The following VAC14 variants were observed in gnomAD, a reference collection of about 807,000 sequenced individuals.
The protein encoded by VAC14 is protein VAC14 homolog.
In VAC14, 47 loss-of-function variants were observed where a neutral mutation model predicts 85.3. That is an observed-to-expected ratio of 0.55 (90% CI 0.44 to 0.70). The LOEUF is 0.70. VAC14 is among the 30% of genes least tolerant of loss of function. The pLI is 0.00. For synonymous variants in VAC14, 447 were observed against 430.5 expected, an observed-to-expected ratio of 1.04 and a Z score of -0.47; for missense variants, 861 against 1,004.3, an observed-to-expected ratio of 0.86 and a Z score of 1.93.
intron 1 of VAC14, among the ~76,000 whole-genome samples, chr16:70,795,125 T>C (rs965947296): frequency 6.6e-6 from 1 of 152,158 alleles, no homozygotes; most frequent in African/African-American, 2.4e-5. Context: ...TGAGTAACTC[T>C]ATGTTGTTCA....
intron 1 of VAC14, among the ~76,000 whole-genome samples, chr16:70,792,965 C>T (rs713511): frequency 4.6e-5 from 7 of 152,060 alleles, no homozygotes; most frequent in Admixed American, 1.3e-4. Flanking sequence ...CCCTTTCCTA[C>T]GGTCACCAAA....
At chr16:70,700,736 T>G (rs2053809156) in intron 14 of VAC14, among the ~76,000 whole-genome samples, 1 of 152,188 alleles carries the variant, frequency 6.6e-6, no homozygotes, top group Non-Finnish European at 1.5e-5. Context: ...CCATGAGCCC[T>G]GTCTCCATGG....
chr16:70,753,346 G>C (rs1398451209), intron 12 of VAC14, among the ~76,000 whole-genome samples: 1 of 152,228 alleles, frequency 6.6e-6, no homozygotes, highest in Non-Finnish European at 1.5e-5. Context: ...GCTCCTGCCA[G>C]TCTGTGGGCC....
intron 1 of VAC14, among the ~76,000 whole-genome samples, chr16:70,789,674 T>C (rs1394727649): frequency 6.6e-6 from 1 of 152,218 alleles, no homozygotes; most frequent in Non-Finnish European, 1.5e-5. Context: ...GAATGACTTG[T>C]TTCTAGTTGG....
chr16:70,719,802 C>T (rs902913713), intron 14 of VAC14, among the ~76,000 whole-genome samples: 13 of 152,172 alleles, frequency 8.5e-5, no homozygotes, highest in African/African-American at 3.1e-4. Flanking sequence ...GCACTTTGGA[C>T]AGTACCTCCC....
intron 1 of VAC14, among the ~76,000 whole-genome samples, chr16:70,799,714 T>G (rs1160262386): frequency 6.6e-6 from 1 of 152,172 alleles, no homozygotes; most frequent in African/African-American, 2.4e-5. Context: ...GTGCAGAGGC[T>G]GAGAAACCCT....
In VAC14 at chr16:70,786,227, G is replaced by A. The variant is rs1195370548; in HGVS notation, c.243C>T (p.Ile81=). The A allele has an allele frequency of 1.2e-5, 19 of 1,614,180 alleles. No homozygotes were observed. Among genetic ancestry groups the A allele is most frequent in the East Asian group, 4.5e-5 (2 of 44,884 alleles). ...GGLIGLAACS[I]ALGKDSGLYL... ...GTGAAAGGCCCACCTTGCCCAGTGC[G>A]ATGGAGCAGGCGGCCAGGCCGATGA... Residue 81 remains isoleucine (I), a synonymous_variant, in exon 2 of 19, where the codon ATC becomes ATT. Coordinates refer to ENST00000261776, the MANE Select transcript of VAC14 (RefSeq NM_018052.5).
intron 8 of VAC14, 94 bp from the exon 9 acceptor site, chr16:70,781,033 C>T: frequency 2.6e-6 from 4 of 1,551,102 alleles, no homozygotes; most frequent in Non-Finnish European, 3.5e-6. Flanking sequence ...GGAGGTGGGG[C>T]CTGGTGGGAG....
chr16:70,739,199 C>T (rs1433901438), intron 13 of VAC14, among the ~76,000 whole-genome samples: 2 of 152,194 alleles, frequency 1.3e-5, no homozygotes, highest in East Asian at 1.9e-4. Flanking sequence ...GACCCTTGTC[C>T]GAGGTCACGG....
intron 12 of VAC14, chr16:70,761,224 A>C (rs1253524181): frequency 6.6e-6 from 3 of 455,294 alleles, no homozygotes; most frequent in Non-Finnish European, 1.3e-5. Flanking sequence ...GCACCAGCCC[A>C]GGGAAGACTG....
intron 12 of VAC14, among the ~76,000 whole-genome samples, chr16:70,759,297 C>T (rs1444258376): frequency 6.6e-6 from 1 of 152,146 alleles, no homozygotes. Context: ...GAAAAGTGGA[C>T]GAAGGATCTG....
intron 14 of VAC14, among the ~76,000 whole-genome samples, chr16:70,717,766 C>A (rs1436467834): frequency 6.6e-6 from 1 of 152,202 alleles, no homozygotes; most frequent in Non-Finnish European, 1.5e-5. Flanking sequence ...CTCGCCTCAG[C>A]CTCCTGAGTA....
chr16:70,798,841 C>T (rs759442923), intron 1 of VAC14, among the ~76,000 whole-genome samples: 6 of 152,156 alleles, frequency 3.9e-5, no homozygotes, highest in Non-Finnish European at 7.3e-5. Context: ...CGAAAATGTA[C>T]GGTCATTCAT....
intron 12 of VAC14, among the ~76,000 whole-genome samples, chr16:70,748,634 AG>A (rs2031115399): frequency 6.6e-6 from 1 of 152,206 alleles, no homozygotes; most frequent in South Asian, 2.1e-4. Context: ...AGTGGTAGGC[AG>A]GGCCAGATCT....
At chr16:70,761,260 T>C (rs1244137321) in intron 12 of VAC14, 1 of 448,380 alleles carries the variant, frequency 2.2e-6, no homozygotes, top group Non-Finnish European at 4.5e-6. Flanking sequence ...TGGGGACTGG[T>C]GAGCAATAGC....
chr16:70,759,538 G>C (rs2032145689), intron 12 of VAC14, among the ~76,000 whole-genome samples: 1 of 152,206 alleles, frequency 6.6e-6, no homozygotes, highest in South Asian at 2.1e-4. Context: ...TGAGGCAGGA[G>C]GACTGCTTGA....
chr16:70,727,436 T>A (rs1178475154), intron 14 of VAC14, among the ~76,000 whole-genome samples: 1 of 152,080 alleles, frequency 6.6e-6, no homozygotes, highest in Admixed American at 6.6e-5. Context: ...GCCTCCTGGG[T>A]TCAAGCGATC....
At chr16:70,732,741 C>G (rs552063103) in intron 13 of VAC14, among the ~76,000 whole-genome samples, 37 of 151,878 alleles carry the variant, frequency 2.4e-4, no homozygotes, top group African/African-American at 8.5e-4. Flanking sequence ...CTCCTGGATT[C>G]AAGCTATCCT....
chr16:70,696,513 A>C (rs1258618475), intron 16 of VAC14, among the ~76,000 whole-genome samples: 1 of 151,844 alleles, frequency 6.6e-6, no homozygotes, highest in Non-Finnish European at 1.5e-5. Context: ...ACTCCACCTC[A>C]AAAAACAAAA....
Sources: gnomAD v4.1 joint callset for allele counts (sites outside exome capture counted in the v4.1 genomes callset) on GRCh38, gnomAD v4.1.1 for gene constraint, MANE v1.5 for transcripts, NCBI Gene and HGNC (gene_info 2026-07-23, HGNC 2026-07-21) for gene names.